The following PICALM variants were observed in gnomAD, a reference collection of about 807,000 sequenced individuals.
PICALM encodes phosphatidylinositol-binding clathrin assembly protein.
In PICALM, 40 loss-of-function variants were observed where a neutral mutation model predicts 80.5. The observed-to-expected ratio is 0.50, with a 90% CI of 0.39 to 0.65. The LOEUF is 0.65. Ranked by LOEUF, PICALM falls within the 30% of genes least tolerant of loss-of-function variation. The pLI is 0.00. For missense variants in PICALM, 676 were observed against 778.9 expected (o/e 0.87, Z 1.57); for synonymous variants, 288 against 260.3 (o/e 1.11, Z -1.02).
At chr11:86,036,531 A>G in intron 1 of PICALM, among the ~76,000 whole-genome samples, 1 of 152,230 alleles carries the variant, frequency 6.6e-6, no homozygotes, top group South Asian at 2.1e-4. Flanking sequence ...TAAAGACAGA[A>G]TATGGAACGC....
Position 85,983,892 on chromosome 11 carries a change from G to A in PICALM, c.1490C>T (p.Ser497Phe). ...VDFESVFGNK[S>F]TNVIVDSGGF... is the part of the protein sequence containing the mutation. ...CCCAGAATCTACAATAACATTTGTA[G>A]ATTTATTTCCAAACACAGATTCAAA... Residue 497 changes from serine to phenylalanine, a missense_variant, in exon 14 of 20, where the codon TCT becomes TTT. Physicochemically the swap from Ser to Phe is radical, Grantham distance 155 (BLOSUM62 -2). Around this residue, in one of 2 missense-constraint regions of PICALM, gnomAD observed 391 missense variants for 383.6 expected, o/e 1.02. Transcript: ENST00000393346. 1 of 1,575,672 alleles carries A rather than the reference G, an allele frequency of 6.3e-7. No individual in the cohort carries two copies. Among genetic ancestry groups the A allele is most frequent in the Non-Finnish European group, 8.7e-7 (1 of 1,148,526 alleles).
chr11:85,983,733 T>TG, intron 14 of PICALM, 133 bp downstream of exon 14: 1 of 487,504 alleles, frequency 2.1e-6, no homozygotes, highest in Non-Finnish European at 3.7e-6. Flanking sequence ...ATCTAGTGCT[T>TG]GGGGGGATGG....
At chr11:86,030,654 G>A (rs948666671) in intron 2 of PICALM, among the ~76,000 whole-genome samples, 4 of 152,178 alleles carry the variant, frequency 2.6e-5, no homozygotes, top group Admixed American at 6.5e-5. Flanking sequence ...TTTCAAAAGC[G>A]TATATATCTT....
chr11:86,030,953 C>CA (rs1428608807), intron 2 of PICALM, among the ~76,000 whole-genome samples: 5 of 151,972 alleles, frequency 3.3e-5, no homozygotes, highest in Admixed American at 2.0e-4. Context: ...CCCATCTCTA[C>CA]AAAAAAATTT....
intron 11 of PICALM, among the ~76,000 whole-genome samples, chr11:85,999,601 A>G (rs1703173597): frequency 6.6e-6 from 1 of 152,230 alleles, no homozygotes; most frequent in Non-Finnish European, 1.5e-5. Context: ...AAATTCAACA[A>G]ACACCTACTA....
rs1190553668 is a variant in PICALM, at chr11:86,003,336, T to C, written c.893+30A>G. The C allele has an allele frequency of 2.2e-6, 3 of 1,370,466 alleles. No homozygotes were observed. The Admixed American group carries it at 5.3e-5, about 24-fold the overall frequency. The allele number at this position is 1,370,466 out of a possible 1,614,324, so 84.9% of individuals were successfully genotyped here. The stretch of plus-strand genomic sequence containing the variant: ...ATCTACTGCCTCAGAAAAATCACTC[T>C]GGCTTTTTGGCCTACAAAGAATGAT... On this transcript the variant is annotated intron_variant, in intron 9 of 19. Transcript: ENST00000393346.
intron 13 of PICALM, among the ~76,000 whole-genome samples, chr11:85,985,193 G>A (rs916650012): frequency 6.6e-6 from 1 of 152,102 alleles, no homozygotes; most frequent in African/African-American, 2.4e-5. Flanking sequence ...TTCTTAATGT[G>A]TAACACCAGG....
intron 19 of PICALM, among the ~76,000 whole-genome samples, chr11:85,965,802 ATTTTGTTTTTTTGTTT>A (rs1209013106): frequency 1.9e-5 from 2 of 105,758 alleles, no homozygotes; most frequent in East Asian, 2.7e-4. Context: ...TGCATTACCC[ATTTTGTTTTTTTGTTT>A]TTTTTTTTTT....
rs1440776655 is a variant in PICALM at position 85,981,983 on chromosome 11, G to A, written c.1537C>T (p.Leu513Phe). The A allele has an allele frequency of 1.2e-6, 2 of 1,613,202 alleles. No individual in the cohort carries two copies. Among genetic ancestry groups the A allele is most frequent in the Non-Finnish European group, 1.7e-6 (2 of 1,179,176 alleles). Residue 513 changes from leucine (L) to phenylalanine (F), a missense_variant, in exon 15 of 20, where the codon CTT (leucine) becomes TTT (phenylalanine). Leu to Phe is a conservative substitution (Grantham distance 22). Around this residue, in one of 2 missense-constraint regions of PICALM, gnomAD observed 391 missense variants for 383.6 expected, o/e 1.02. Transcript: ENST00000393346. ...TGAGAGGCCACTGTTGGTTTGAGAA[G>A]TCCACCTAGTTCATCAAAGCCTTAA... Reference protein sequence around the residue: ...DSGGFDELGGLLKPTVASQNQ... With the variant: ...DSGGFDELGGFLKPTVASQNQ...
intron 4 of PICALM, among the ~76,000 whole-genome samples, chr11:86,016,300 C>A (rs959723288): frequency 3.3e-5 from 5 of 152,140 alleles, no homozygotes; most frequent in Admixed American, 1.3e-4. Flanking sequence ...CCTAGCCCCA[C>A]CCCTGAAGAA....
Position 85,958,817 on chromosome 11 carries a change from C to G in PICALM, c.*229G>C. 2.4e-6 allele frequency: 1 copy of G among 412,772 alleles called. No homozygotes were observed. Among genetic ancestry groups the G allele is most frequent in the East Asian group, 3.4e-5 (1 of 29,418 alleles). The allele number at this position is 412,772 out of a possible 1,614,324, so 25.6% of individuals were successfully genotyped here. ...AGGGTTAGTCACCAAAAAGACAGAT[C>G]TTAGTCTTAAATCATAGCAATTCTT... On this transcript the variant is annotated 3_prime_UTR_variant, in exon 20 of 20. Coordinates refer to ENST00000393346, the MANE Select transcript of PICALM (RefSeq NM_007166.4).
chr11:86,065,479 A>C (rs2096434732), intron 1 of PICALM, among the ~76,000 whole-genome samples: 2 of 152,172 alleles, frequency 1.3e-5, no homozygotes, highest in Non-Finnish European at 2.9e-5. Context: ...TCCTGCAATA[A>C]TTATGGTTCT....
chr11:85,978,781 TTAG>T (rs2094354180), intron 17 of PICALM: 1 of 152,208 alleles, frequency 6.6e-6, no homozygotes, highest in Non-Finnish European at 1.5e-5. Context: ...CTACTACATT[TTAG>T]TAGTCAGTCT....
At chr11:85,974,880 A>G (rs989218146) in intron 18 of PICALM, 68 bp from the exon 19 acceptor site, 4 of 1,066,432 alleles carry the variant, frequency 3.8e-6, no homozygotes, top group Middle Eastern at 2.0e-4. Flanking sequence ...GTAAATAACA[A>G]TGACAACAGG....
rs35816362 is a variant in PICALM at position 85,993,086 on chromosome 11, GT to G, written c.1259-2688del. ...AACTGGCAATTCGAAATCCCTTAAA[GT>G]TTTTTTTTTTTTTTTTAAATAAGAG... On this transcript the variant is annotated intron_variant, in intron 12 of 19. Coordinates refer to ENST00000393346, the MANE Select transcript of PICALM (RefSeq NM_007166.4). Among the ~76,000 whole-genome samples the G allele has an allele frequency of 9.9e-3, 1,383 of 139,768 alleles. 9 individuals carry two copies. Among genetic ancestry groups the G allele is most frequent in the South Asian group, 0.024 (104 of 4,332 alleles). The allele number at this position is 139,768 out of a possible 152,430, so 91.7% of individuals were successfully genotyped here.
intron 1 of PICALM, among the ~76,000 whole-genome samples, chr11:86,032,115 A>G (rs1476460418): frequency 6.6e-6 from 1 of 152,202 alleles, no homozygotes; most frequent in Non-Finnish European, 1.5e-5. Flanking sequence ...GGAAGATAAC[A>G]GGGCAGAGAT....
intron 13 of PICALM, among the ~76,000 whole-genome samples, chr11:85,989,951 G>A (rs2094707910): frequency 7.1e-6 from 1 of 141,134 alleles, no homozygotes; most frequent in African/African-American, 2.6e-5. Flanking sequence ...ACAGGAAGCT[G>A]CATGTGATAC....
Position 86,009,502 on chromosome 11 carries a change from G to A in PICALM, c.765+1528C>T, listed in dbSNP as rs184678789. Among the ~76,000 whole-genome samples, 862 of 151,722 alleles carry A rather than the reference G, an allele frequency of 5.7e-3. 11 individuals carry two copies. Among genetic ancestry groups the A allele is most frequent in the African/African-American group, 0.02 (817 of 41,328 alleles). Reference sequence around the variant, plus strand: ...AGGTCAGGAGTTCAAGACCAGCCTGGCCAACACGGTGAAACCCCGTCTCTA... The same window carrying A: ...AGGTCAGGAGTTCAAGACCAGCCTGACCAACACGGTGAAACCCCGTCTCTA... On this transcript the variant is annotated intron_variant, in intron 7 of 19. Coordinates refer to ENST00000393346, the MANE Select transcript of PICALM (RefSeq NM_007166.4).
At chr11:86,023,447 C>CT (rs574002388) in intron 3 of PICALM, 9 of 985,076 alleles carry the variant, frequency 9.1e-6, no homozygotes, top group Non-Finnish European at 1.1e-5. Flanking sequence ...GTTACATGCT[C>CT]ACATTCCTCA....
Sources: allele counts gnomAD v4.1 joint callset (sites outside exome capture counted in the v4.1 genomes callset), GRCh38; gene constraint gnomAD v4.1.1; regional missense constraint gnomAD v4.1.1; transcripts MANE v1.5; gene names NCBI Gene and HGNC (gene_info 2026-07-23, HGNC 2026-07-21).